ZBTB20: variants seen among roughly 807,000 people sequenced by gnomAD.
ZBTB20 encodes the protein zinc finger and BTB domain-containing protein 20.
In ZBTB20, 9 loss-of-function variants were observed where a neutral mutation model predicts 56.9. That is an observed-to-expected ratio of 0.16 (90% CI 0.10 to 0.28). The LOEUF (loss-of-function observed/expected upper bound fraction) is 0.28. ZBTB20 is among the 10% of genes least tolerant of loss of function. The pLI, the probability that ZBTB20 is intolerant of heterozygous loss-of-function variation, is 1.00. For missense variants in ZBTB20, 655 were observed against 1,003.0 expected, an observed-to-expected ratio of 0.65 and a Z score of 4.69; for synonymous variants, 417 against 420.7, an observed-to-expected ratio of 0.99 and a Z score of 0.11.
chr3:114,463,804 T>G (rs987082002), intron 7 of ZBTB20, among the ~76,000 whole-genome samples: 5 of 152,220 alleles, frequency 3.3e-5, no homozygotes, highest in African/African-American at 1.2e-4. Context: ...TAACCAAAAT[T>G]GAATTTCGCC....
intron 6 of ZBTB20, among the ~76,000 whole-genome samples, chr3:114,540,016 T>C (rs1469380252): frequency 6.6e-6 from 1 of 151,880 alleles, no homozygotes; most frequent in Non-Finnish European, 1.5e-5. Flanking sequence ...AATGAAGTAC[T>C]AAGCTTAGTA....
At chr3:114,768,042 C>A (rs2108729558) in intron 5 of ZBTB20, among the ~76,000 whole-genome samples, 1 of 152,208 alleles carries the variant, frequency 6.6e-6, no homozygotes, top group Non-Finnish European at 1.5e-5. Flanking sequence ...TTCATCCCTG[C>A]ACCATCTAAT....
chr3:114,946,490 T>C (rs2076892101), intron 3 of ZBTB20, among the ~76,000 whole-genome samples: 1 of 144,652 alleles, frequency 6.9e-6, no homozygotes, highest in Non-Finnish European at 1.5e-5. Flanking sequence ...ATTTCAAAGA[T>C]GAAAAAGGAC....
chr3:114,834,355 C>CAGATATACA (rs1158140991), intron 4 of ZBTB20, among the ~76,000 whole-genome samples: 3 of 152,100 alleles, frequency 2.0e-5, no homozygotes, highest in Non-Finnish European at 4.4e-5. Flanking sequence ...TATGACATCA[C>CAGATATACA]AGATATACAA....
intron 1 of ZBTB20, chr3:115,102,984 TGAAGAAGAA>T (rs537888771): frequency 1.4e-5 from 2 of 147,312 alleles, no homozygotes; most frequent in Non-Finnish European, 3.0e-5. Context: ...AAAAAAAAGG[TGAAGAAGAA>T]GAAGAAGAAT....
At chr3:114,701,653 T>C (rs1245504239) in intron 5 of ZBTB20, among the ~76,000 whole-genome samples, 2 of 152,150 alleles carry the variant, frequency 1.3e-5, no homozygotes, top group African/African-American at 4.8e-5. Flanking sequence ...ATTTAAAAAG[T>C]TGCGAAGTGA....
intron 5 of ZBTB20, among the ~76,000 whole-genome samples, chr3:114,713,259 C>A (rs1180644503): frequency 6.6e-6 from 1 of 152,002 alleles, no homozygotes; most frequent in East Asian, 1.9e-4. Flanking sequence ...AAGTGAGTAG[C>A]AGCAATGCAG....
intron 4 of ZBTB20, among the ~76,000 whole-genome samples, chr3:114,874,796 G>A (rs980306852): frequency 2.0e-5 from 3 of 152,258 alleles, no homozygotes; most frequent in Admixed American, 6.5e-5. Flanking sequence ...TGTCCTCCCA[G>A]GAATTGGTGC....
intron 7 of ZBTB20, among the ~76,000 whole-genome samples, chr3:114,420,970 T>C (rs2089109520): frequency 6.6e-6 from 1 of 152,138 alleles, no homozygotes; most frequent in South Asian, 2.1e-4. Context: ...GCACAAATTA[T>C]TTGGCATTAA....
At chr3:114,626,601 C>T (rs1447702117) in intron 6 of ZBTB20, among the ~76,000 whole-genome samples, 1 of 152,104 alleles carries the variant, frequency 6.6e-6, no homozygotes, top group Non-Finnish European at 1.5e-5. Flanking sequence ...TTATTTCTGT[C>T]TGGGTATGTT....
intron 2 of ZBTB20, among the ~76,000 whole-genome samples, chr3:114,974,670 A>C (rs1237635561): frequency 1.3e-5 from 2 of 152,170 alleles, no homozygotes; most frequent in African/African-American, 4.8e-5. Context: ...TATCATAAGA[A>C]GTTATCTTAA....
At chr3:114,618,938 T>G (rs753877716) in intron 6 of ZBTB20, among the ~76,000 whole-genome samples, 4 of 152,220 alleles carry the variant, frequency 2.6e-5, no homozygotes, top group Admixed American at 1.3e-4. Flanking sequence ...AATTTATGTC[T>G]TTCCATATTA....
intron 6 of ZBTB20, among the ~76,000 whole-genome samples, chr3:114,516,978 A>G (rs964673689): frequency 2.0e-5 from 3 of 152,166 alleles, no homozygotes; most frequent in African/African-American, 7.2e-5. Flanking sequence ...AAACTGATAT[A>G]CTCAGTAAAA....
chr3:114,465,612 C>T (rs2092514018), intron 7 of ZBTB20, among the ~76,000 whole-genome samples: 1 of 151,778 alleles, frequency 6.6e-6, no homozygotes, highest in African/African-American at 2.4e-5. Context: ...GAGTCTGAGG[C>T]AGGAGAATCG....
In ZBTB20 at chr3:114,324,814, G is replaced by T. The variant is rs753507123; in HGVS notation, c.*14191C>A. The T allele has an allele frequency of 2.0e-5, 3 of 152,138 alleles. No homozygotes were observed. The highest frequency in any genetic ancestry group is 7.2e-5 in the African/African-American group (3 of 41,444). The allele number at this position is 152,138 out of a possible 1,614,324, so 9.4% of individuals were successfully genotyped here. A position where few individuals can be genotyped will look rare whatever the true frequency, so the allele number is the denominator to read the frequency against. ...TTGAGTGATTCTGGAAAAATGATTT[G>T]TATTTGATCATCCTCAGGAATCCGT... On this transcript the variant is annotated 3_prime_UTR_variant, in exon 12 of 12. Coordinates refer to ENST00000675478, the MANE Select transcript of ZBTB20 (RefSeq NM_001348800.3).
intron 3 of ZBTB20, among the ~76,000 whole-genome samples, chr3:114,901,162 T>C (rs2075103355): frequency 6.6e-6 from 1 of 151,786 alleles, no homozygotes; most frequent in African/African-American, 2.4e-5. Context: ...CCCAGCACTA[T>C]GGGAGGCTGA....
At chr3:115,008,879 G>A (rs1039544136) in intron 2 of ZBTB20, among the ~76,000 whole-genome samples, 1 of 151,906 alleles carries the variant, frequency 6.6e-6, no homozygotes, top group African/African-American at 2.4e-5. Context: ...TTTCTCAGCT[G>A]CTTTCTAAGT....
At chr3:114,776,736 G>A (rs1280210168) in intron 5 of ZBTB20, among the ~76,000 whole-genome samples, 1 of 152,164 alleles carries the variant, frequency 6.6e-6, no homozygotes, top group Non-Finnish European at 1.5e-5. Context: ...CAGGTTGAAG[G>A]CACAGTGGAA....
chr3:114,908,269 C>T (rs189859335), intron 3 of ZBTB20, among the ~76,000 whole-genome samples: 13 of 151,836 alleles, frequency 8.6e-5, no homozygotes, highest in Admixed American at 5.3e-4. Context: ...CATTTCTGTA[C>T]GAATATATAA....
Sources: gnomAD v4.1 joint callset for allele counts (sites outside exome capture counted in the v4.1 genomes callset) on GRCh38, gnomAD v4.1.1 for gene constraint, MANE v1.5 for transcripts, NCBI Gene and HGNC (gene_info 2026-07-23, HGNC 2026-07-21) for gene names.